The following MYBL1 variants were observed in gnomAD, a reference collection of about 807,000 sequenced individuals.
MYBL1 encodes the protein myb-related protein A.
In MYBL1, 17 loss-of-function variants were observed where a neutral mutation model predicts 96.3. That is an observed-to-expected ratio of 0.18 (90% confidence interval 0.12 to 0.26). The LOEUF (loss-of-function observed/expected upper bound fraction) is 0.26. Ranked by LOEUF, MYBL1 falls within the 10% of genes least tolerant of loss-of-function variation. The probability of loss-of-function intolerance (pLI) is 1.00; values close to 1 mark genes in which losing one functional copy is unlikely to be tolerated. For missense variants in MYBL1, 701 were observed against 882.9 expected (o/e 0.79, Z 2.61); for synonymous variants, 282 against 292.7 (o/e 0.96, Z 0.37).
chr8:66,601,993 T>C (rs1370768650), intron 2 of MYBL1, among the ~76,000 whole-genome samples: 2 of 152,212 alleles, frequency 1.3e-5, no homozygotes, highest in African/African-American at 2.4e-5. Context: ...TACAGTTAAT[T>C]TGATGCATAT....
intron 1 of MYBL1, among the ~76,000 whole-genome samples, chr8:66,602,729 A>ATATG (rs1810142396): frequency 4.1e-5 from 2 of 48,506 alleles, no homozygotes; most frequent in Non-Finnish European, 6.9e-5. Context: ...ATATATATAT[A>ATATG]TATATTTTTT....
rs552172466 is a variant in MYBL1 at position 66,580,278 on chromosome 8, C to T, written c.956G>A (p.Ser319Asn). The T allele has an allele frequency of 6.2e-7, 1 of 1,613,652 alleles. No individual in the cohort carries two copies. Reference protein sequence around the residue: ...NTLNSLDEHTSEFYSMDENQP... With the variant: ...NTLNSLDEHTNEFYSMDENQP... ...ATTTTCATCCATACTGTAAAACTCACTAGTGTGCTCGTCAAGGCTATTTAG... is the reference window on the plus strand; with the variant it reads ...ATTTTCATCCATACTGTAAAACTCATTAGTGTGCTCGTCAAGGCTATTTAG... Residue 319 changes from serine to asparagine, a missense_variant, in exon 9 of 16, where the codon AGT becomes AAT. By Grantham distance (46) the Ser-to-Asn change is conservative. Around this residue, in one of 5 missense-constraint regions of MYBL1, gnomAD observed 396 missense variants for 407.4 expected, o/e 0.97. Coordinates refer to ENST00000522677, the MANE Select transcript of MYBL1 (RefSeq NM_001080416.4).
At chr8:66,612,748 G>T in intron 1 of MYBL1, 71 bp downstream of exon 1, 1 of 1,321,530 alleles carries the variant, frequency 7.6e-7, no homozygotes, top group Admixed American at 3.1e-5. Flanking sequence ...GCGGGAGGGG[G>T]CAGCGGGATA....
Position 66,576,300 on chromosome 8 carries a change from C to T in MYBL1, c.1177G>A (p.Val393Ile). ...TTGTGCTGAATTCTCATTAATTTAA[C>T]TGGGGTGGATTTGATAGGAGAAGCA... ...AAASPIKSTPVKLMRIQHNEG... is the reference protein window; with the variant it reads ...AAASPIKSTPIKLMRIQHNEG... The change falls in exon 10 of 16, where the codon GTT becomes ATT. Residue 393 changes from valine (V) to isoleucine (I), a missense_variant. Val to Ile is a conservative substitution (Grantham distance 29, BLOSUM62 3). Transcript: ENST00000522677. The T allele has an allele frequency of 6.2e-7, 1 of 1,613,902 alleles. No homozygotes were observed. Among genetic ancestry groups the T allele is most frequent in the Non-Finnish European group, 8.5e-7 (1 of 1,179,872 alleles).
rs1361389276 is a variant in MYBL1 at position 66,612,873 on chromosome 8, G to A, written c.-35C>T. 7.4e-7 allele frequency: 1 copy of A among 1,344,828 alleles called. No individual in the cohort carries two copies. Among genetic ancestry groups the A allele is most frequent in the Non-Finnish European group, 9.6e-7 (1 of 1,038,146 alleles). The allele number at this position is 1,344,828 out of a possible 1,614,324, so 83.3% of individuals were successfully genotyped here. A position where few individuals can be genotyped will look rare whatever the true frequency, so the allele number is the denominator to read the frequency against. On this transcript the variant is annotated 5_prime_UTR_variant, in exon 1 of 16. Coordinates refer to ENST00000522677, the MANE Select transcript of MYBL1 (RefSeq NM_001080416.4). ...ACCGCATAGGAGCAGGCTGGGCGGG[G>A]ACGCGGGTCAGCCTCCTCCAGCCTC...
At chr8:66,601,155 C>A (rs1810054010) in intron 3 of MYBL1, among the ~76,000 whole-genome samples, 1 of 96,732 alleles carries the variant, frequency 1.0e-5, no homozygotes, top group African/African-American at 4.2e-5. Flanking sequence ...CCAGACTGGG[C>A]AACAAGAGCG....
intron 8 of MYBL1, among the ~76,000 whole-genome samples, chr8:66,591,965 T>C (rs1450060523): frequency 6.6e-6 from 1 of 151,970 alleles, no homozygotes; most frequent in Non-Finnish European, 1.5e-5. Context: ...GAAATGCATA[T>C]CAAAATCAGG....
intron 1 of MYBL1, among the ~76,000 whole-genome samples, chr8:66,607,403 T>C (rs962657117): frequency 2.0e-5 from 3 of 152,174 alleles, no homozygotes; most frequent in African/African-American, 7.2e-5. Context: ...ATCCAAAAAG[T>C]AAGCTCATGA....
At chr8:66,589,503 T>C (rs1809552790) in intron 8 of MYBL1, among the ~76,000 whole-genome samples, 1 of 151,850 alleles carries the variant, frequency 6.6e-6, no homozygotes, top group Admixed American at 6.6e-5. Context: ...ATTTTTAAGA[T>C]GGGGTCTTGC....
intron 2 of MYBL1, among the ~76,000 whole-genome samples, chr8:66,602,168 G>A (rs1158843482): frequency 1.3e-5 from 2 of 151,924 alleles, no homozygotes; most frequent in Non-Finnish European, 2.9e-5. Flanking sequence ...TCCTGCCTCA[G>A]CCTCCCAAGT....
In MYBL1 at chr8:66,595,570, T is replaced by TAA. The variant is rs1301605143; in HGVS notation, c.687+11_687+12dup. On this transcript the variant is annotated intron_variant, in intron 6 of 15. Coordinates refer to ENST00000522677, the MANE Select transcript of MYBL1 (RefSeq NM_001080416.4). ...AAAATTTTTTAAATAATAAAGGTAT[T>TAA]AAAAGTATGTGCCTGAACAGGTATG... 6.8e-7 allele frequency: 1 copy of TAA among 1,461,394 alleles called. No homozygotes were observed. The highest frequency in any genetic ancestry group is 1.5e-5 in the African/African-American group (1 of 68,658). The allele number at this position is 1,461,394 out of a possible 1,614,324, so 90.5% of individuals were successfully genotyped here.
In MYBL1 at chr8:66,601,685, A is replaced by T; in HGVS notation, c.198+13T>A. The T allele has an allele frequency of 4.2e-6, 6 of 1,428,564 alleles. No homozygotes were observed. Among genetic ancestry groups the T allele is most frequent in the Non-Finnish European group, 5.7e-6 (6 of 1,044,924 alleles). 88.5% of individuals were successfully genotyped at this position (1,428,564 alleles called of 1,614,324 possible). On this transcript the variant is annotated intron_variant, in intron 3 of 15. Transcript: ENST00000522677. ...CCAGCCATGTTAGAAATATAATTTAATATTTCACTTACTTGAAGATGACTA... is the reference window on the plus strand; with the variant it reads ...CCAGCCATGTTAGAAATATAATTTATTATTTCACTTACTTGAAGATGACTA...
intron 8 of MYBL1, among the ~76,000 whole-genome samples, chr8:66,585,485 A>G (rs950427037): frequency 6.6e-6 from 1 of 152,216 alleles, no homozygotes; most frequent in African/African-American, 2.4e-5. Context: ...TCATGCCTGT[A>G]ATCCCAGCAC....
At chr8:66,569,856 TAC>T (rs1305930026) in intron 12 of MYBL1, among the ~76,000 whole-genome samples, 2 of 152,246 alleles carry the variant, frequency 1.3e-5, no homozygotes, top group Non-Finnish European at 2.9e-5. Flanking sequence ...TTAATATTTC[TAC>T]AGTTTTTAGC....
rs781359221 is a variant in MYBL1, at chr8:66,576,305, G to A, written c.1172C>T (p.Thr391Ile). 15 of 1,613,806 alleles carry A rather than the reference G, an allele frequency of 9.3e-6. No individual in the cohort carries two copies. The highest frequency in any genetic ancestry group is 1.7e-5 in the Admixed American group (1 of 60,000). The change falls in exon 10 of 16, where the codon ACC (threonine) becomes ATC (isoleucine). Residue 391 changes from threonine (T) to isoleucine (I), a missense_variant. By Grantham distance (89) the Thr-to-Ile change is moderately conservative. This residue lies in a region of MYBL1 where 396 missense variants were observed against 407.4 expected (regional missense o/e 0.97). Coordinates refer to ENST00000522677, the MANE Select transcript of MYBL1 (RefSeq NM_001080416.4). ...SDAAASPIKS[T>I]PVKLMRIQHN... ...CTGAATTCTCATTAATTTAACTGGG[G>A]TGGATTTGATAGGAGAAGCAGCAGC...
At chr8:66,568,033 C>T (rs1263638738) in intron 12 of MYBL1, among the ~76,000 whole-genome samples, 1 of 148,590 alleles carries the variant, frequency 6.7e-6, no homozygotes, top group Non-Finnish European at 1.5e-5. Flanking sequence ...GGCAACAGAG[C>T]CAGACTCCGT....
At chr8:66,568,979 G>A (rs540454434) in intron 12 of MYBL1, among the ~76,000 whole-genome samples, 94 of 152,180 alleles carry the variant, frequency 6.2e-4, no homozygotes, top group Non-Finnish European at 1.1e-3. Context: ...AGCCGAGATC[G>A]CGCCACTACA....
intron 6 of MYBL1, among the ~76,000 whole-genome samples, chr8:66,594,416 ATTAGT>A (rs1211502618): frequency 1.3e-5 from 2 of 152,130 alleles, no homozygotes; most frequent in Non-Finnish European, 2.9e-5. Flanking sequence ...AAATTATTTT[ATTAGT>A]TTAAATTAAT....
At position 66,563,919 on chromosome 8, in the gene MYBL1, C is replaced by T. The variant is rs1179787413; in HGVS notation, c.*778G>A. 2 of 152,208 alleles carry T rather than the reference C, an allele frequency of 1.3e-5. No individual in the cohort carries two copies. 9.4% of individuals were successfully genotyped at this position (152,208 alleles called of 1,614,324 possible). On this transcript the variant is annotated 3_prime_UTR_variant, in exon 16 of 16. Transcript: ENST00000522677. ...AGGAAACAACATTGGCTTCTAGGCA[C>T]CCTGTATACGTATAAATATCTACAT...
Sources: gnomAD v4.1 joint callset for allele counts (sites outside exome capture counted in the v4.1 genomes callset) on GRCh38, gnomAD v4.1.1 for gene constraint, gnomAD v4.1.1 regional missense constraint, MANE v1.5 for transcripts, NCBI Gene and HGNC (gene_info 2026-07-23, HGNC 2026-07-21) for gene names.